TCERG1: variants seen among roughly 807,000 people sequenced by gnomAD.
TCERG1 encodes transcription elongation regulator 1.
In TCERG1, 37 loss-of-function variants were observed where a neutral mutation model predicts 144.7. The ratio of observed to expected loss-of-function variants is 0.26; its 90% CI spans 0.20 to 0.34. TCERG1 has a LOEUF of 0.34. Among genes scored for constraint, TCERG1 ranks in the 10% least tolerant of loss-of-function variants. The probability of loss-of-function intolerance (pLI) is 1.00; values close to 1 mark genes in which losing one functional copy is unlikely to be tolerated. For missense variants in TCERG1, 1,027 were observed against 1,380.7 expected (o/e 0.74, Z 4.06); for synonymous variants, 492 against 458.2 (o/e 1.07, Z -0.94).
Position 146,498,656 on chromosome 5 carries a change from G to T in TCERG1, c.2403G>T (p.Glu801Asp), listed in dbSNP as rs766266135. The T allele has an allele frequency of 3.2e-5, 52 of 1,611,980 alleles. No individual in the cohort carries two copies. Among genetic ancestry groups the T allele is most frequent in the Non-Finnish European group, 4.0e-5 (47 of 1,179,172 alleles). ...NEFVAAARKK[E>D]KEDSKTRGEK... Reference sequence around the variant, plus strand: ...TTGTGGCCGCTGCTAGGAAGAAAGAGAAAGAAGATTCGAAGACCAGAGGTG... The same window carrying T: ...TTGTGGCCGCTGCTAGGAAGAAAGATAAAGAAGATTCGAAGACCAGAGGTG... Residue 801 changes from glutamate (E) to aspartate (D), a missense_variant, in exon 17 of 23, where the codon GAG (glutamate) becomes GAT (aspartate). Coordinates refer to ENST00000679501, the MANE Select transcript of TCERG1 (RefSeq NM_001382548.1).
intron 1 of TCERG1, among the ~76,000 whole-genome samples, chr5:146,452,444 G>A (rs1762436021): frequency 6.6e-6 from 1 of 152,050 alleles, no homozygotes; most frequent in Non-Finnish European, 1.5e-5. Context: ...GTATCACCTA[G>A]GTATTCAGTG....
chr5:146,466,115 CT>C (rs1458914622), intron 5 of TCERG1, among the ~76,000 whole-genome samples: 2 of 151,376 alleles, frequency 1.3e-5, no homozygotes, highest in African/African-American at 4.9e-5. Flanking sequence ...CTCATTTTCC[CT>C]TTTAACTCAG....
intron 10 of TCERG1, 70 bp downstream of exon 10, chr5:146,478,723 A>G (rs1305550124): frequency 1.4e-6 from 2 of 1,425,452 alleles, no homozygotes; most frequent in Non-Finnish European, 1.9e-6. Flanking sequence ...AAAATGTGGA[A>G]GGCATTTAGA....
rs185898744 is a variant in TCERG1 at position 146,496,986 on chromosome 5, G to T, written c.2283-1550G>T. Among the ~76,000 whole-genome samples, 16 of 148,010 alleles carry T rather than the reference G, an allele frequency of 1.1e-4. No individual in the cohort carries two copies. The East Asian group carries it at 3.2e-3, about 30-fold the overall frequency. On this transcript the variant is annotated intron_variant, in intron 16 of 22. Coordinates refer to ENST00000679501, the MANE Select transcript of TCERG1 (RefSeq NM_001382548.1). ...CCTCCTGGGTTTTTCTCTTGCCTCAGCCTCCTGAGTAGCTGGGATTACAGG... is the reference window on the plus strand; with the variant it reads ...CCTCCTGGGTTTTTCTCTTGCCTCATCCTCCTGAGTAGCTGGGATTACAGG...
In TCERG1 at chr5:146,470,624, T is replaced by A; in HGVS notation, c.1400-12T>A. 3.8e-6 allele frequency: 6 copies of A among 1,586,876 alleles called. No individual in the cohort carries two copies. The highest frequency in any genetic ancestry group is 5.1e-6 in the Non-Finnish European group (6 of 1,171,202). On this transcript the variant is annotated splice_polypyrimidine_tract_variant and intron_variant, in intron 7 of 22. Coordinates refer to ENST00000679501, the MANE Select transcript of TCERG1 (RefSeq NM_001382548.1). ...AAACCTTTGAGTGACATTATCTTAA[T>A]TTTTTTCATAGAAAAGTTAGAAGAG...
At chr5:146,447,767 C>T (rs1762004951) in intron 1 of TCERG1, among the ~76,000 whole-genome samples, 1 of 152,224 alleles carries the variant, frequency 6.6e-6, no homozygotes, top group Non-Finnish European at 1.5e-5. Context: ...GGCCGCGCTC[C>T]GCTGCGGGCC....
chr5:146,447,424 C>G lies in TCERG1; in HGVS notation c.59+16C>G, dbSNP rs1382414623. ...GGGAGCTCAGGTAAGGAACGCTGCC[C>G]TCCTTCACATCTCTGCTCACGAGAG... On this transcript the variant is annotated intron_variant, in intron 1 of 22. Transcript: ENST00000679501. The G allele has an allele frequency of 1.7e-5, 28 of 1,609,340 alleles. No individual in the cohort carries two copies. Among genetic ancestry groups the G allele is most frequent in the Non-Finnish European group, 2.3e-5 (27 of 1,178,156 alleles).
intron 4 of TCERG1, among the ~76,000 whole-genome samples, chr5:146,460,550 G>GT (rs941698825): frequency 9.9e-5 from 15 of 152,070 alleles, no homozygotes; most frequent in Admixed American, 2.0e-4. Flanking sequence ...AAAATGTGGG[G>GT]TTTTTTTGTG....
At chr5:146,455,407 ATC>A in intron 2 of TCERG1, 126 bp downstream of exon 2, 2 of 1,048,712 alleles carry the variant, frequency 1.9e-6, no homozygotes, top group Non-Finnish European at 2.7e-6. Flanking sequence ...TAAAGAGAAG[ATC>A]CATATATTAA....
chr5:146,464,219 A>G (rs1046080009), intron 5 of TCERG1, among the ~76,000 whole-genome samples: 9 of 152,212 alleles, frequency 5.9e-5, no homozygotes, highest in African/African-American at 2.2e-4. Context: ...TTTACAACCC[A>G]TGTTACGAGA....
Position 146,507,356 on chromosome 5 carries a change from A to G in TCERG1, c.2961+149A>G. 1.4e-6 allele frequency: 1 copy of G among 713,552 alleles called. No homozygotes were observed. 44.2% of individuals were successfully genotyped at this position (713,552 alleles called of 1,614,324 possible). On this transcript the variant is annotated intron_variant, in intron 20 of 22. Transcript: ENST00000679501. The surrounding 1 kb of genome is among the most constrained non-coding windows in gnomAD (Gnocchi z 4.6). Reference sequence around the variant, plus strand: ...GACAATTCTCTGATTTTAAAAAATTATGGTATTCTTATTTATTTAGAAATG... The same window carrying G: ...GACAATTCTCTGATTTTAAAAAATTGTGGTATTCTTATTTATTTAGAAATG...
chr5:146,478,129 T>A (rs757068766), intron 9 of TCERG1, among the ~76,000 whole-genome samples: 1 of 152,234 alleles, frequency 6.6e-6, no homozygotes, highest in Non-Finnish European at 1.5e-5. Context: ...CTATGTCTGT[T>A]CTTTAGCTTT....
Position 146,507,158 on chromosome 5 carries a change from C to T in TCERG1, c.2912C>T (p.Thr971Ile). 1 of 1,604,798 alleles carries T rather than the reference C, an allele frequency of 6.2e-7. No homozygotes were observed. Reference protein sequence around the residue: ...KLFNEHIEALTKKKREHFRQL... With the variant: ...KLFNEHIEALIKKKREHFRQL... ...TTTAATGAACACATTGAAGCACTTA[C>T]CAAAAAAAAGAGAGAGCACTTTAGG... Residue 971 changes from threonine to isoleucine, a missense_variant, in exon 20 of 23, where the codon ACC becomes ATC. Thr to Ile is a moderately conservative substitution (Grantham distance 89). Coordinates refer to ENST00000679501, the MANE Select transcript of TCERG1 (RefSeq NM_001382548.1). This position sits in a 1 kb window ranked among gnomAD's most constrained non-coding sequence, Gnocchi z 4.6.
intron 4 of TCERG1, among the ~76,000 whole-genome samples, chr5:146,463,121 T>G (rs1763481684): frequency 6.6e-6 from 1 of 152,350 alleles, no homozygotes; most frequent in African/African-American, 2.4e-5. Flanking sequence ...GCCTACTGTT[T>G]CACTCATTAA....
chr5:146,478,492 G>A lies in TCERG1; in HGVS notation c.1602-1G>A. ...GAATGATATTTTGCATCAATTCTTAGGTGTGTCGTTTGGACTGGTGATGAG... is the reference window on the plus strand; with the variant it reads ...GAATGATATTTTGCATCAATTCTTAAGTGTGTCGTTTGGACTGGTGATGAG... On this transcript the variant is annotated splice_acceptor_variant, in intron 9 of 22. Transcript: ENST00000679501. LOFTEE classifies it high-confidence loss of function. 6.3e-7 allele frequency: 1 copy of A among 1,582,520 alleles called. No homozygotes were observed. Among genetic ancestry groups the A allele is most frequent in the Non-Finnish European group, 8.5e-7 (1 of 1,170,654 alleles).
Position 146,510,318 on chromosome 5 carries a change from TAAAAAAAAAA to T in TCERG1, c.3147-109_3147-100del, listed in dbSNP as rs546570760. On this transcript the variant is annotated intron_variant, in intron 22 of 22. Transcript: ENST00000679501. ...GTGACCACTGCCGTGAAATTTTTCTTAAAAAAAAAAAAAAAAAAAAAAATGGAAACACAAT... is the reference window on the plus strand; with the variant it reads ...GTGACCACTGCCGTGAAATTTTTCTTAAAAAAAAAAAAATGGAAACACAAT... 2.9e-5 allele frequency: 16 copies of T among 550,770 alleles called. No homozygotes were observed. In the East Asian group the frequency reaches 4.0e-4, roughly 14 times the overall value. 34.1% of individuals were successfully genotyped at this position (550,770 alleles called of 1,614,324 possible). A position where few individuals can be genotyped will look rare whatever the true frequency, so the allele number is the denominator to read the frequency against.
At chr5:146,494,942 T>G (rs908344620) in intron 16 of TCERG1, among the ~76,000 whole-genome samples, 6 of 152,148 alleles carry the variant, frequency 3.9e-5, no homozygotes, top group African/African-American at 1.4e-4. Context: ...TTTAAAGTAG[T>G]TTTTTCACAG....
intron 15 of TCERG1, among the ~76,000 whole-genome samples, chr5:146,484,611 ACTTC>A (rs1421117068): frequency 6.6e-6 from 1 of 152,158 alleles, no homozygotes; most frequent in Non-Finnish European, 1.5e-5. Context: ...GAAAGACATA[ACTTC>A]CTTAATGTAT....
chr5:146,467,380 A>T (rs1449116995), intron 5 of TCERG1, among the ~76,000 whole-genome samples: 1 of 152,148 alleles, frequency 6.6e-6, no homozygotes, highest in Non-Finnish European at 1.5e-5. Context: ...AAAAAAGTAA[A>T]AATTATTGCC....
Sources: gnomAD v4.1 joint callset for allele counts (sites outside exome capture counted in the v4.1 genomes callset) on GRCh38, gnomAD v4.1.1 for gene constraint, Gnocchi (gnomAD v3.1) non-coding constraint, MANE v1.5 for transcripts, NCBI Gene and HGNC (gene_info 2026-07-23, HGNC 2026-07-21) for gene names.